CDK6: variants seen among roughly 807,000 people sequenced by gnomAD.
The protein encoded by CDK6 is cyclin dependent kinase 6, also known as cyclin-dependent kinase 6.
Under a neutral mutation model 37.1 loss-of-function variants are expected in CDK6, and 6 were observed. That is an observed-to-expected ratio of 0.16 (90% CI 0.09 to 0.32). The LOEUF is 0.32. Ranked by LOEUF, CDK6 falls within the 10% of genes least tolerant of loss-of-function variation. The pLI is 1.00. For synonymous variants in CDK6, 160 were observed against 161.3 expected (o/e 0.99, Z 0.06); for missense variants, 224 against 418.9 (o/e 0.53, Z 4.06).
At chr7:92,705,202 G>A (rs1797939334) in intron 4 of CDK6, among the ~76,000 whole-genome samples, 2 of 152,232 alleles carry the variant, frequency 1.3e-5, no homozygotes, top group South Asian at 4.2e-4. Flanking sequence ...ATTCTTGGTA[G>A]TGGTAAACTC....
chr7:92,785,721 C>T (rs1023639924), intron 2 of CDK6, among the ~76,000 whole-genome samples: 2 of 152,152 alleles, frequency 1.3e-5, no homozygotes, highest in African/African-American at 4.8e-5. Context: ...TGCAGCACAC[C>T]ATTTGGAGCT....
chr7:92,635,108 C>A (rs536363185), intron 5 of CDK6, among the ~76,000 whole-genome samples: 18 of 152,124 alleles, frequency 1.2e-4, no homozygotes, highest in Admixed American at 1.1e-3. Context: ...TGGGAAACCA[C>A]CTACTAAGCA....
chr7:92,750,909 T>C (rs1041413047), intron 3 of CDK6, among the ~76,000 whole-genome samples: 11 of 152,200 alleles, frequency 7.2e-5, no homozygotes. Flanking sequence ...TAATAAGCCA[T>C]TCATTCCTAG....
chr7:92,786,257 G>A (rs1281804273), intron 2 of CDK6, among the ~76,000 whole-genome samples: 3 of 152,122 alleles, frequency 2.0e-5, no homozygotes, highest in African/African-American at 7.2e-5. Flanking sequence ...AGCCAACCAA[G>A]CTTTACCTAC....
intron 3 of CDK6, among the ~76,000 whole-genome samples, chr7:92,729,212 T>G (rs1457323292): frequency 6.6e-6 from 1 of 152,204 alleles, no homozygotes; most frequent in Non-Finnish European, 1.5e-5. Flanking sequence ...CTATCTCAGT[T>G]TATAGTATCG....
intron 4 of CDK6, among the ~76,000 whole-genome samples, chr7:92,706,058 G>A (rs1163941212): frequency 1.3e-5 from 2 of 152,220 alleles, no homozygotes; most frequent in African/African-American, 2.4e-5. Flanking sequence ...AGCAGACTAT[G>A]TGAAAGAAGT....
Position 92,606,850 on chromosome 7 carries a change from T to G in CDK6, c.*8290A>C, listed in dbSNP as rs8179. ...TTCTAGTTCTAATTTGCACTCTACG[T>G]GAACCAATATTTTTCTTTTCTTAAC... On this transcript the variant is annotated 3_prime_UTR_variant, in exon 8 of 8. Transcript: ENST00000424848. 2.6e-5 allele frequency: 6 copies of G among 232,676 alleles called. No individual in the cohort carries two copies. The highest frequency in any genetic ancestry group is 1.3e-4 in the African/African-American group (6 of 45,292). 14.4% of individuals were successfully genotyped at this position (232,676 alleles called of 1,614,324 possible). A position where few individuals can be genotyped will look rare whatever the true frequency, so the allele number is the denominator to read the frequency against.
chr7:92,695,480 A>G (rs1797695696), intron 4 of CDK6, among the ~76,000 whole-genome samples: 1 of 152,190 alleles, frequency 6.6e-6, no homozygotes, highest in Non-Finnish European at 1.5e-5. Flanking sequence ...AAGTGACAGC[A>G]TTCTACACAT....
At chr7:92,722,168 AAT>A (rs553186328) in intron 4 of CDK6, among the ~76,000 whole-genome samples, 87 of 152,024 alleles carry the variant, frequency 5.7e-4, no homozygotes, top group African/African-American at 2.0e-3. Context: ...TTATTATGTA[AAT>A]ATATATATAT....
intron 4 of CDK6, among the ~76,000 whole-genome samples, chr7:92,718,399 A>G (rs1798282125): frequency 6.6e-6 from 1 of 152,070 alleles, no homozygotes; most frequent in Non-Finnish European, 1.5e-5. Context: ...CTTCTGTGGG[A>G]GCTACTCGGC....
At chr7:92,692,267 A>T (rs1233508062) in intron 4 of CDK6, among the ~76,000 whole-genome samples, 2 of 128,072 alleles carry the variant, frequency 1.6e-5, no homozygotes, top group Non-Finnish European at 3.2e-5. Context: ...CCGTCTCAAA[A>T]AAGAAAGAAA....
intron 4 of CDK6, among the ~76,000 whole-genome samples, chr7:92,695,492 C>A (rs1354073719): frequency 6.6e-6 from 1 of 152,186 alleles, no homozygotes; most frequent in Non-Finnish European, 1.5e-5. Context: ...TCTACACATT[C>A]TTTTGACTTG....
intron 3 of CDK6, among the ~76,000 whole-genome samples, chr7:92,770,686 C>G (rs1799692207): frequency 6.6e-6 from 1 of 151,952 alleles, no homozygotes; most frequent in Non-Finnish European, 1.5e-5. Context: ...AAATGATAAG[C>G]AAAATGATGT....
At chr7:92,718,231 T>C (rs1798277816) in intron 4 of CDK6, among the ~76,000 whole-genome samples, 1 of 152,184 alleles carries the variant, frequency 6.6e-6, no homozygotes, top group Non-Finnish European at 1.5e-5. Flanking sequence ...TGGCAAGATG[T>C]TGAGAGGGGA....
At chr7:92,784,359 CAACTCTACAAAAAG>C (rs1800070227) in intron 2 of CDK6, among the ~76,000 whole-genome samples, 1 of 151,982 alleles carries the variant, frequency 6.6e-6, no homozygotes, top group South Asian at 2.1e-4. Flanking sequence ...AGAACACAGC[CAACTCTACAAAAAG>C]AAGCGACCTG....
intron 3 of CDK6, among the ~76,000 whole-genome samples, chr7:92,770,749 T>C (rs1799693718): frequency 1.3e-5 from 2 of 152,090 alleles, no homozygotes; most frequent in South Asian, 4.1e-4. Context: ...TTTATCCAAG[T>C]ACTGCCCAAC....
At chr7:92,807,786 A>G (rs1355805723) in intron 2 of CDK6, among the ~76,000 whole-genome samples, 1 of 152,168 alleles carries the variant, frequency 6.6e-6, no homozygotes, top group Non-Finnish European at 1.5e-5. Flanking sequence ...CATGATGAAC[A>G]GTCAAACGGT....
intron 2 of CDK6, among the ~76,000 whole-genome samples, chr7:92,794,430 A>T (rs957467630): frequency 1.3e-5 from 2 of 152,094 alleles, no homozygotes; most frequent in Admixed American, 6.6e-5. Flanking sequence ...CCCATGGCTT[A>T]TTAGGTCACT....
rs144206710 is a variant in CDK6, at chr7:92,730,787, T to A, written c.370-4994A>T. Reference sequence around the variant, plus strand: ...TTTTGTTTATCTGGTGATCCATAGATGGGCACCTCAGTAGTTTCCACTTTT... The same window carrying A: ...TTTTGTTTATCTGGTGATCCATAGAAGGGCACCTCAGTAGTTTCCACTTTT... On this transcript the variant is annotated intron_variant, in intron 3 of 7. Transcript: ENST00000424848. 4.0e-3 allele frequency among the ~76,000 whole-genome samples: 603 copies of A among 152,326 alleles called. 2 individuals are homozygous for A. Among genetic ancestry groups the A allele is most frequent in the African/African-American group, 0.014 (575 of 41,570 alleles).
Sources: gnomAD v4.1 joint callset for allele counts (sites outside exome capture counted in the v4.1 genomes callset) on GRCh38, gnomAD v4.1.1 for gene constraint, MANE v1.5 for transcripts, NCBI Gene and HGNC (gene_info 2026-07-23, HGNC 2026-07-21) for gene names.